SLC22A23: variants seen among roughly 807,000 people sequenced by gnomAD.
The protein encoded by SLC22A23 is ion transporter protein.
Under a neutral mutation model 61.0 loss-of-function variants are expected in SLC22A23, and 26 were observed. The observed-to-expected ratio is 0.43, with a 90% CI of 0.31 to 0.59. The LOEUF (loss-of-function observed/expected upper bound fraction) is 0.59. SLC22A23 is among the 20% of genes least tolerant of loss of function. The pLI, the probability that SLC22A23 is intolerant of heterozygous loss-of-function variation, is 0.11. For missense variants in SLC22A23, 796 were observed against 934.7 expected (o/e 0.85, Z 1.94); for synonymous variants, 430 against 413.9 (o/e 1.04, Z -0.47).
chr6:3,399,244 T>C (rs1243641177), intron 3 of SLC22A23, among the ~76,000 whole-genome samples: 1 of 152,114 alleles, frequency 6.6e-6, no homozygotes, highest in Non-Finnish European at 1.5e-5. Context: ...ACTCACATCA[T>C]AAAATGTGCA....
At chr6:3,424,182 C>T (rs1171909716) in intron 1 of SLC22A23, among the ~76,000 whole-genome samples, 1 of 152,228 alleles carries the variant, frequency 6.6e-6, no homozygotes, top group Non-Finnish European at 1.5e-5. Flanking sequence ...CCTCCTGCCC[C>T]AACCCCTGCC....
At chr6:3,384,613 T>C (rs1446552765) in intron 3 of SLC22A23, among the ~76,000 whole-genome samples, 2 of 152,234 alleles carry the variant, frequency 1.3e-5, no homozygotes, top group Non-Finnish European at 2.9e-5. Flanking sequence ...GTTATTTCTA[T>C]TTTTAAAAAT....
intron 4 of SLC22A23, among the ~76,000 whole-genome samples, chr6:3,300,826 G>A (rs1761548224): frequency 6.6e-6 from 1 of 152,152 alleles, no homozygotes; most frequent in African/African-American, 2.4e-5. Flanking sequence ...CTTTGGGATG[G>A]TCTGATCTGA....
chr6:3,365,857 C>A (rs1235059692), intron 3 of SLC22A23, among the ~76,000 whole-genome samples: 1 of 152,164 alleles, frequency 6.6e-6, no homozygotes, highest in Non-Finnish European at 1.5e-5. Flanking sequence ...AAGCAGAAAA[C>A]TTTATCTTCT....
chr6:3,280,512 T>TTTTTTTTTTTTC lies in SLC22A23; in HGVS notation c.1703+3339_1703+3340insGAAAAAAAAAAA, dbSNP rs781526188. Among the ~76,000 whole-genome samples, 16 of 98,328 alleles carry TTTTTTTTTTTTC rather than the reference T, an allele frequency of 1.6e-4. 1 individual carries two copies. The highest frequency in any genetic ancestry group is 4.6e-4 in the African/African-American group (13 of 28,094). The allele number at this position is 98,328 out of a possible 152,430, so 64.5% of individuals were successfully genotyped here. A position where few individuals can be genotyped will look rare whatever the true frequency, so the allele number is the denominator to read the frequency against. On this transcript the variant is annotated intron_variant, in intron 9 of 9. Coordinates refer to ENST00000406686, the MANE Select transcript of SLC22A23 (RefSeq NM_015482.2). ...CAACTTTTTTTTTTTTTTTTTTTTT[T>TTTTTTTTTTTTC]TGAGATGGAGTCTCGCTCTGTCGCC...
chr6:3,403,357 A>C (rs1231908003), intron 3 of SLC22A23, among the ~76,000 whole-genome samples: 3 of 151,986 alleles, frequency 2.0e-5, no homozygotes, highest in Admixed American at 1.3e-4. Flanking sequence ...TGTGGAAAAA[A>C]AAAAAACTCC....
At chr6:3,280,565 G>A (rs190287900) in intron 9 of SLC22A23, among the ~76,000 whole-genome samples, 2,167 of 138,434 alleles carry the variant, frequency 0.016, 62 homozygotes, top group African/African-American at 0.056. Flanking sequence ...GCGCGATCTC[G>A]GCTCACTGTA....
chr6:3,330,918 T>C lies in SLC22A23; in HGVS notation c.914-6916A>G, dbSNP rs1212472923. On this transcript the variant is annotated intron_variant, in intron 3 of 9. Coordinates refer to ENST00000406686, the MANE Select transcript of SLC22A23 (RefSeq NM_015482.2). This position sits in a 1 kb window ranked among gnomAD's most constrained non-coding sequence, Gnocchi z 4.7. ...CAGACATGTAGACATAGGCATTAAATGCTCAAATGCAGAAATACTGAATTA... is the reference window on the plus strand; with the variant it reads ...CAGACATGTAGACATAGGCATTAAACGCTCAAATGCAGAAATACTGAATTA... Among the ~76,000 whole-genome samples the C allele has an allele frequency of 6.6e-6, 1 of 152,246 alleles. No individual in the cohort carries two copies. Among genetic ancestry groups the C allele is most frequent in the East Asian group, 1.9e-4 (1 of 5,198 alleles).
chr6:3,352,382 C>T (rs1158163738), intron 3 of SLC22A23, among the ~76,000 whole-genome samples: 1 of 152,032 alleles, frequency 6.6e-6, no homozygotes, highest in Admixed American at 6.5e-5. Context: ...CATGCACAGA[C>T]ACACTCACAC....
chr6:3,378,028 T>C (rs73720712), intron 3 of SLC22A23: 19,728 of 152,274 alleles, frequency 0.13, 1,723 homozygotes, highest in African/African-American at 0.25. Context: ...AGGTGTCTGC[T>C]GGGCAGGGCA....
rs1762732044 is a variant in SLC22A23, at chr6:3,317,887, C to T, written c.1082+5947G>A. Among the ~76,000 whole-genome samples, 1 of 152,176 alleles carries T rather than the reference C, an allele frequency of 6.6e-6. No individual in the cohort carries two copies. Among genetic ancestry groups the T allele is most frequent in the Non-Finnish European group, 1.5e-5 (1 of 68,034 alleles). ...CCGCAGCTCTTCCTTCACCTAAAGC[C>T]CAGCCGATCCTGCCATGGCCCAGAA... is the stretch of plus-strand genomic sequence containing the variant. On this transcript the variant is annotated intron_variant, in intron 4 of 9. Coordinates refer to ENST00000406686, the MANE Select transcript of SLC22A23 (RefSeq NM_015482.2). This position sits in a 1 kb window ranked among gnomAD's most constrained non-coding sequence, Gnocchi z 4.4.
chr6:3,300,212 T>C (rs1384379597), intron 4 of SLC22A23, among the ~76,000 whole-genome samples: 2 of 152,024 alleles, frequency 1.3e-5, no homozygotes, highest in Admixed American at 6.6e-5. Context: ...GGTTTCACCA[T>C]GTTGGTCAGG....
intron 3 of SLC22A23, among the ~76,000 whole-genome samples, chr6:3,346,521 G>T (rs1283925877): frequency 6.6e-6 from 1 of 152,126 alleles, no homozygotes; most frequent in African/African-American, 2.4e-5. Flanking sequence ...GCTTGGGTAG[G>T]GTCCCCTCCG....
chr6:3,419,516 G>C (rs1051850300), intron 1 of SLC22A23, among the ~76,000 whole-genome samples: 1 of 152,238 alleles, frequency 6.6e-6, no homozygotes, highest in Non-Finnish European at 1.5e-5. Context: ...ACCTGAGTTA[G>C]GAAGAGAGTT....
At chr6:3,359,469 C>A (rs1765304284) in intron 3 of SLC22A23, among the ~76,000 whole-genome samples, 1 of 152,162 alleles carries the variant, frequency 6.6e-6, no homozygotes, top group South Asian at 2.1e-4. Context: ...GGGAAATGTA[C>A]ATCACAGCGA....
At chr6:3,452,043 G>A (rs1772176423) in intron 1 of SLC22A23, among the ~76,000 whole-genome samples, 2 of 152,156 alleles carry the variant, frequency 1.3e-5, no homozygotes, top group South Asian at 2.1e-4. Context: ...AACAGACTTT[G>A]TGTGAGATGA....
chr6:3,436,847 A>G (rs1343670411), intron 1 of SLC22A23, among the ~76,000 whole-genome samples: 3 of 152,254 alleles, frequency 2.0e-5, no homozygotes, highest in African/African-American at 7.2e-5. Flanking sequence ...ATTTTGAACT[A>G]TAAGACTAGA....
At chr6:3,403,855 G>A (rs1396999614) in intron 3 of SLC22A23, among the ~76,000 whole-genome samples, 3 of 152,224 alleles carry the variant, frequency 2.0e-5, no homozygotes, top group African/African-American at 4.8e-5. Flanking sequence ...CGATCGCACA[G>A]CTACACAAAA....
chr6:3,273,013 A>G lies in SLC22A23; in HGVS notation c.*42T>C. On this transcript the variant is annotated 3_prime_UTR_variant, in exon 10 of 10. Coordinates refer to ENST00000406686, the MANE Select transcript of SLC22A23 (RefSeq NM_015482.2). ...GTCCCTGGTCTGTAAACCTGTGCCC[A>G]AGCTGCCCCAGACCCTGGAGCCCCG... is the stretch of plus-strand genomic sequence containing the variant. The G allele has an allele frequency of 1.3e-6, 2 of 1,490,542 alleles. No homozygotes were observed. Among genetic ancestry groups the G allele is most frequent in the South Asian group, 1.3e-5 (1 of 75,166 alleles). The allele number at this position is 1,490,542 out of a possible 1,614,324, so 92.3% of individuals were successfully genotyped here.
Sources: gnomAD v4.1 joint callset for allele counts (sites outside exome capture counted in the v4.1 genomes callset) on GRCh38, gnomAD v4.1.1 for gene constraint, Gnocchi (gnomAD v3.1) non-coding constraint, MANE v1.5 for transcripts, NCBI Gene and HGNC (gene_info 2026-07-23, HGNC 2026-07-21) for gene names.